Variants in VPS13B observed in about 807,000 individuals in gnomAD.
The protein encoded by VPS13B is vacuolar protein sorting 13 homolog B.
VPS13B carries 285 observed loss-of-function variants against 426.4 expected under a neutral mutation model. That is an observed-to-expected ratio of 0.67 (90% CI 0.61 to 0.74). The LOEUF is 0.74. Among genes scored for constraint, VPS13B ranks in the 30% least tolerant of loss-of-function variants. VPS13B has a pLI of 0.00. For missense variants in VPS13B, 4,537 were observed against 4,782.6 expected, an observed-to-expected ratio of 0.95 and a Z score of 1.51; for synonymous variants, 1,676 against 1,676.4, an observed-to-expected ratio of 1.00 and a Z score of 0.01.
chr8:99,365,291 T>C (rs1188574217), intron 19 of VPS13B, among the ~76,000 whole-genome samples: 1 of 151,846 alleles, frequency 6.6e-6, no homozygotes, highest in Non-Finnish European at 1.5e-5. Context: ...ATCTTTATTA[T>C]TTCTTTTATT....
At chr8:99,064,490 G>GT (rs1239116174) in intron 3 of VPS13B, among the ~76,000 whole-genome samples, 1 of 152,192 alleles carries the variant, frequency 6.6e-6, no homozygotes, top group African/African-American at 2.4e-5. Flanking sequence ...ATTCGATCAA[G>GT]TTGAAGAAAG....
intron 28 of VPS13B, among the ~76,000 whole-genome samples, chr8:99,509,827 T>A (rs532771412): frequency 6.7e-6 from 1 of 149,716 alleles, no homozygotes; most frequent in Non-Finnish European, 1.5e-5. Context: ...ATATTTTATG[T>A]CTATTAATTG....
chr8:99,714,547 G>A (rs958774556), intron 36 of VPS13B, among the ~76,000 whole-genome samples: 3 of 152,078 alleles, frequency 2.0e-5, no homozygotes, highest in Admixed American at 2.0e-4. Flanking sequence ...TATTTACAAG[G>A]GGAAAGTGTT....
At chr8:99,293,696 G>GA (rs1417094342) in intron 19 of VPS13B, among the ~76,000 whole-genome samples, 2 of 151,310 alleles carry the variant, frequency 1.3e-5, no homozygotes, top group African/African-American at 4.9e-5. Flanking sequence ...AAATTTACAA[G>GA]AAAAAAACAA....
intron 19 of VPS13B, among the ~76,000 whole-genome samples, chr8:99,328,836 A>G (rs1810413141): frequency 6.6e-6 from 1 of 152,144 alleles, no homozygotes; most frequent in South Asian, 2.1e-4. Flanking sequence ...GTGTGAATTC[A>G]TACATCTGAA....
At chr8:99,714,709 T>C in intron 36 of VPS13B, among the ~76,000 whole-genome samples, 1 of 152,198 alleles carries the variant, frequency 6.6e-6, no homozygotes, top group East Asian at 1.9e-4. Flanking sequence ...AACCTCTTTC[T>C]GATCACAAGA....
At chr8:99,458,243 G>A (rs1818612699) in intron 23 of VPS13B, among the ~76,000 whole-genome samples, 1 of 152,156 alleles carries the variant, frequency 6.6e-6, no homozygotes, top group African/African-American at 2.4e-5. Context: ...CAAAGGACAT[G>A]AACTCATCAT....
chr8:99,321,138 G>A (rs1287195965), intron 19 of VPS13B, among the ~76,000 whole-genome samples: 10 of 151,804 alleles, frequency 6.6e-5, no homozygotes, highest in Non-Finnish European at 1.2e-4. Flanking sequence ...ATTTAGATTG[G>A]CTCAGATGAT....
chr8:99,789,147 G>A (rs1193374840), intron 43 of VPS13B, among the ~76,000 whole-genome samples: 4 of 152,040 alleles, frequency 2.6e-5, no homozygotes, highest in African/African-American at 4.8e-5. Context: ...TGTCTAAAAC[G>A]GAAAGCAACA....
At chr8:99,750,959 T>G (rs2510204) in intron 39 of VPS13B, among the ~76,000 whole-genome samples, 34,282 of 151,922 alleles carry the variant, frequency 0.23, 4,668 homozygotes, top group East Asian at 0.44. Flanking sequence ...TGTGAAGTGG[T>G]ACATTAGTTT....
At chr8:99,250,593 T>G (rs1817447906) in intron 17 of VPS13B, among the ~76,000 whole-genome samples, 1 of 151,762 alleles carries the variant, frequency 6.6e-6, no homozygotes, top group African/African-American at 2.4e-5. Flanking sequence ...TGCACCTATG[T>G]GAGAAATTAT....
intron 35 of VPS13B, chr8:99,697,936 G>T: frequency 2.3e-6 from 1 of 429,956 alleles, no homozygotes; most frequent in South Asian, 2.0e-5. Context: ...CCAGCCAGGT[G>T]GCCAAGATTG....
chr8:99,055,027 AT>A (rs1282776803), intron 3 of VPS13B, among the ~76,000 whole-genome samples: 1 of 123,438 alleles, frequency 8.1e-6, no homozygotes, highest in Non-Finnish European at 1.7e-5. Flanking sequence ...CCTATTTTGT[AT>A]TTCTGTTTTT....
At chr8:99,049,087 T>C (rs991755629) in intron 3 of VPS13B, among the ~76,000 whole-genome samples, 2 of 152,204 alleles carry the variant, frequency 1.3e-5, no homozygotes, top group African/African-American at 4.8e-5. Context: ...AGGCAGCTGA[T>C]GGTTGGTGAA....
intron 12 of VPS13B, among the ~76,000 whole-genome samples, chr8:99,141,514 T>A (rs1810420470): frequency 6.6e-6 from 1 of 152,174 alleles, no homozygotes; most frequent in African/African-American, 2.4e-5. Context: ...ATTCTAGAAA[T>A]GTAATGGTTT....
At chr8:99,740,407 T>C (rs925052513) in intron 39 of VPS13B, among the ~76,000 whole-genome samples, 1 of 152,126 alleles carries the variant, frequency 6.6e-6, no homozygotes, top group Non-Finnish European at 1.5e-5. Flanking sequence ...CTGCAGGATA[T>C]TATCCAGGAG....
intron 23 of VPS13B, among the ~76,000 whole-genome samples, chr8:99,449,669 T>C (rs1246900891): frequency 6.6e-6 from 1 of 152,168 alleles, no homozygotes. Context: ...GCACTAGTCT[T>C]ATGGCTTAAG....
At chr8:99,069,727 G>A (rs1219271995) in intron 3 of VPS13B, among the ~76,000 whole-genome samples, 2 of 152,122 alleles carry the variant, frequency 1.3e-5, no homozygotes, top group African/African-American at 2.4e-5. Context: ...GCCTAAGAGA[G>A]GTTGTTATAT....
chr8:99,102,600 G>A (rs1846815020), intron 4 of VPS13B, among the ~76,000 whole-genome samples: 1 of 152,138 alleles, frequency 6.6e-6, no homozygotes, highest in Non-Finnish European at 1.5e-5. Flanking sequence ...TTTGGAAAAT[G>A]TTTATATAAT....
Sources: allele counts gnomAD v4.1 joint callset (sites outside exome capture counted in the v4.1 genomes callset), GRCh38; gene constraint gnomAD v4.1.1; transcripts MANE v1.5; gene names NCBI Gene and HGNC (gene_info 2026-07-23, HGNC 2026-07-21).